The following ZIC3 variants were observed in gnomAD, a reference collection of about 807,000 sequenced individuals.
ZIC3 encodes zinc finger protein ZIC 3.
A neutral mutation model predicts 18.3 loss-of-function variants in ZIC3; 6 were observed. The observed-to-expected ratio is 0.33, with a 90% CI of 0.18 to 0.65. The LOEUF is 0.65. Among genes scored for constraint, ZIC3 ranks in the 30% least tolerant of loss-of-function variants. ZIC3 has a pLI of 0.75. For synonymous variants in ZIC3, 175 were observed against 177.0 expected (o/e 0.99, Z 0.09); for missense variants, 260 against 410.0 (o/e 0.63, Z 3.16).
chrX:137,574,069 A>T (rs1011626148), downstream of ZIC3: 3 of 113,445 alleles, frequency 2.6e-5, no homozygotes, highest in Non-Finnish European at 5.6e-5. Flanking sequence ...GTAAAGCAGG[A>T]ATCAGCCTCT....
downstream of ZIC3, among the ~76,000 whole-genome samples, chrX:137,575,781 G>A (rs1931507005): frequency 9.0e-6 from 1 of 111,648 alleles, no homozygotes; most frequent in Non-Finnish European, 1.9e-5. Flanking sequence ...CCAGATCTGG[G>A]GGGAAATCTG....
At chrX:137,574,691 C>T (rs969093697), downstream of ZIC3, among the ~76,000 whole-genome samples, 4 of 110,192 alleles carry the variant, frequency 3.6e-5, no homozygotes, top group Non-Finnish European at 5.7e-5. Flanking sequence ...CGGCCTCGGT[C>T]GAGCTGGGAG....
rs1444020526 is a variant in ZIC3, at chrX:137,567,567, G to C, written c.876G>C (p.Gln292His). The change falls in exon 1 of 3, where the codon CAG (glutamine) becomes CAC (histidine). Residue 292 changes from glutamine to histidine, a missense_variant. Coordinates refer to ENST00000287538, the MANE Select transcript of ZIC3 (RefSeq NM_003413.4). ...VTMEHVGGPEQNNHVCYWEEC... is the reference protein window; with the variant it reads ...VTMEHVGGPEHNNHVCYWEEC... Reference sequence around the variant, plus strand: ...TGGAGCATGTGGGGGGCCCGGAGCAGAACAACCACGTCTGCTACTGGGAGG... The same window carrying C: ...TGGAGCATGTGGGGGGCCCGGAGCACAACAACCACGTCTGCTACTGGGAGG... 7.4e-6 allele frequency: 9 copies of C among 1,212,426 alleles called. No individual in the cohort carries two copies. Among genetic ancestry groups the C allele is most frequent in the Non-Finnish European group, 1.0e-5 (9 of 895,684 alleles).
Position 137,566,900 on chromosome X carries a change from A to G in ZIC3, c.209A>G (p.Gln70Arg). The G allele has an allele frequency of 8.6e-7, 1 of 1,165,065 alleles. No homozygotes were observed. The highest frequency in any genetic ancestry group is 1.1e-6 in the Non-Finnish European group (1 of 872,460). The change falls in exon 1 of 3, where the codon CAG (glutamine) becomes CGG (arginine). Residue 70 changes from glutamine (Q) to arginine (R), a missense_variant. Around this residue, in one of 4 missense-constraint regions of ZIC3, gnomAD observed 183 missense variants for 223.8 expected, o/e 0.82. Transcript: ENST00000287538. ...PAAAHDLSSG[Q>R]SSAFTPQGSG... ...GCGGCGCACGATCTATCTTCAGGCCAGAGCTCGGCTTTCACGCCGCAGGGT... is the reference window on the plus strand; with the variant it reads ...GCGGCGCACGATCTATCTTCAGGCCGGAGCTCGGCTTTCACGCCGCAGGGT...
At chrX:137,576,468 T>A (rs992837536), downstream of ZIC3, among the ~76,000 whole-genome samples, 1 of 111,820 alleles carries the variant, frequency 8.9e-6, no homozygotes, top group African/African-American at 3.3e-5. Context: ...ATAGAAGTTA[T>A]GTGAATGGAA....
chrX:137,576,059 T>G (rs1931510539), downstream of ZIC3, among the ~76,000 whole-genome samples: 1 of 110,163 alleles, frequency 9.1e-6, no homozygotes. Context: ...AGCCGATTTT[T>G]TTTTTTTTTT....
Position 137,566,466 on chromosome X carries a change from C to G in ZIC3, c.-226C>G, listed in dbSNP as rs1931340020. On this transcript the variant is annotated 5_prime_UTR_variant, in exon 1 of 3. Coordinates refer to ENST00000287538, the MANE Select transcript of ZIC3 (RefSeq NM_003413.4). ...TCCCTTCTCCTCCCTCCTCCTCCCC[C>G]CGCCAACACCCCCTCCCTGCTCTTT... 5.9e-6 allele frequency: 2 copies of G among 336,198 alleles called. 1 individual carries two copies. Among genetic ancestry groups the G allele is most frequent in the Non-Finnish European group, 1.0e-5 (2 of 194,507 alleles). The allele number at this position is 336,198 out of a possible 1,213,427, so 27.7% of individuals were successfully genotyped here. A position where few individuals can be genotyped will look rare whatever the true frequency, so the allele number is the denominator to read the frequency against.
Position 137,567,204 on chromosome X carries a change from G to T in ZIC3, c.513G>T (p.Gly171=), listed in dbSNP as rs370048935. ...CCGGGCTGCATGAGCAGGGCGCTGGGCACCCGTCGCCCACAGGGCACGTGG... is the reference window on the plus strand; with the variant it reads ...CCGGGCTGCATGAGCAGGGCGCTGGTCACCCGTCGCCCACAGGGCACGTGG... ...LFPGLHEQGA[G]HPSPTGHVDN... Residue 171 remains glycine, a synonymous_variant, in exon 1 of 3, where the codon GGG becomes GGT. Transcript: ENST00000287538. The T allele has an allele frequency of 9.9e-6, 12 of 1,208,516 alleles. No individual in the cohort carries two copies. The African/African-American group carries it at 2.1e-4, about 21-fold the overall frequency.
chrX:137,569,897 G>A lies in ZIC3; in HGVS notation c.1231G>A (p.Glu411Lys). 1 of 1,210,289 alleles carries A rather than the reference G, an allele frequency of 8.3e-7. No individual in the cohort carries two copies. Among genetic ancestry groups the A allele is most frequent in the Non-Finnish European group, 1.1e-6 (1 of 894,636 alleles). ...SSLRKHMKVH[E>K]SQGSDSSPAA... ...ATATACATGTTAATTTTAGGTTCATGAATCTCAAGGGTCAGATTCCTCCCC... is the reference window on the plus strand; with the variant it reads ...ATATACATGTTAATTTTAGGTTCATAAATCTCAAGGGTCAGATTCCTCCCC... The change falls in exon 3 of 3, where the codon GAA (glutamate) becomes AAA (lysine). Residue 411 changes from glutamate (E) to lysine (K), a missense_variant. Glu to Lys is a moderately conservative substitution (Grantham distance 56, BLOSUM62 1). Coordinates refer to ENST00000287538, the MANE Select transcript of ZIC3 (RefSeq NM_003413.4).
chrX:137,568,337 TCG>T lies in ZIC3; in HGVS notation c.1061-564_1061-563del, dbSNP rs1491574940. On this transcript the variant is annotated intron_variant, in intron 1 of 2. Transcript: ENST00000287538. Reference sequence around the variant, plus strand: ...AACTGTCTGGAGCCCCCTGGATCGATCGATCTATCTATCTATCTATCTATCTA... The same window carrying T: ...AACTGTCTGGAGCCCCCTGGATCGATATCTATCTATCTATCTATCTATCTA... Among the ~76,000 whole-genome samples the T allele has an allele frequency of 5.6e-3, 496 of 89,182 alleles. 1 individual carries two copies. The highest frequency in any genetic ancestry group is 0.016 in the South Asian group (27 of 1,722). 77.4% of individuals were successfully genotyped at this position (89,182 alleles called of 115,157 possible).
In ZIC3 at chrX:137,571,960, A is replaced by C. The variant is rs760141437; in HGVS notation, c.*1890A>C. Among the ~76,000 whole-genome samples the C allele has an allele frequency of 8.9e-6, 1 of 112,441 alleles. No individual in the cohort carries two copies. Among genetic ancestry groups the C allele is most frequent in the South Asian group, 3.7e-4 (1 of 2,705 alleles). On this transcript the variant is annotated 3_prime_UTR_variant, in exon 3 of 3. Transcript: ENST00000287538. ...ATTTAGAATGTATTGAATAGGCTTAAGTACCTCCTTTAAGGGGCAATGCTC... is the reference window on the plus strand; with the variant it reads ...ATTTAGAATGTATTGAATAGGCTTACGTACCTCCTTTAAGGGGCAATGCTC...
chrX:137,570,141 G>C lies in ZIC3; in HGVS notation c.*71G>C, dbSNP rs1323385412. ...TTTAAAAGAAAACTGAGACCAATCAGATGGAAATGGAGTTTTAAGGCAAGA... is the reference window on the plus strand; with the variant it reads ...TTTAAAAGAAAACTGAGACCAATCACATGGAAATGGAGTTTTAAGGCAAGA... On this transcript the variant is annotated 3_prime_UTR_variant, in exon 3 of 3. Transcript: ENST00000287538. 8.0e-6 allele frequency: 9 copies of C among 1,124,549 alleles called. No homozygotes were observed. The highest frequency in any genetic ancestry group is 9.8e-6 in the Non-Finnish European group (8 of 817,389). 92.7% of individuals were successfully genotyped at this position (1,124,549 alleles called of 1,213,427 possible). A position where few individuals can be genotyped will look rare whatever the true frequency, so the allele number is the denominator to read the frequency against.
chrX:137,568,606 A>G (rs1365316099), intron 1 of ZIC3, among the ~76,000 whole-genome samples: 1 of 111,332 alleles, frequency 9.0e-6, no homozygotes, highest in Non-Finnish European at 1.9e-5. Context: ...TGGAAACACA[A>G]CTTAGGGGAA....
At chrX:137,568,872 T>C (rs749500083) in intron 1 of ZIC3, 30 bp from the exon 2 acceptor site, 2 of 1,209,581 alleles carry the variant, frequency 1.7e-6, no homozygotes, top group Non-Finnish European at 2.2e-6. Context: ...TGACCGTATT[T>C]TACCCCCCTT....
At chrX:137,577,476 A>G in exon 3 of ZIC3, 1 of 302,577 alleles carries the variant, frequency 3.3e-6, no homozygotes, top group Non-Finnish European at 5.8e-6. Flanking sequence ...ATGGAGGTGA[A>G]GACTGGCCTA....
chrX:137,568,874 A>AC (rs754787784), intron 1 of ZIC3, 28 bp from the exon 2 acceptor site: 17 of 1,205,433 alleles, frequency 1.4e-5, no homozygotes, highest in African/African-American at 3.6e-5. Context: ...ACCGTATTTT[A>AC]CCCCCCTTGG....
downstream of ZIC3, among the ~76,000 whole-genome samples, chrX:137,574,815 TGCA>T (rs1931493850): frequency 8.8e-6 from 1 of 113,008 alleles, no homozygotes; most frequent in Admixed American, 9.2e-5. Context: ...CAGCAAAGGC[TGCA>T]GAACTGTTGC....
chrX:137,576,405 G>C (rs1021481794), downstream of ZIC3, among the ~76,000 whole-genome samples: 19 of 112,061 alleles, frequency 1.7e-4, no homozygotes, highest in African/African-American at 5.8e-4. Context: ...GTTTCCCCTG[G>C]ATACCTGCGG....
At chrX:137,569,837 T>C in intron 2 of ZIC3, 54 bp from the exon 3 acceptor site, 1 of 1,144,552 alleles carries the variant, frequency 8.7e-7, no homozygotes, top group Non-Finnish European at 1.2e-6. Flanking sequence ...TGTTTTTGCT[T>C]GCACATTGCC....
Sources: gnomAD v4.1 joint callset for allele counts (sites outside exome capture counted in the v4.1 genomes callset) on GRCh38, gnomAD v4.1.1 for gene constraint, gnomAD v4.1.1 regional missense constraint, MANE v1.5 for transcripts, NCBI Gene and HGNC (gene_info 2026-07-23, HGNC 2026-07-21) for gene names.